ZNF407: variants seen among roughly 807,000 people sequenced by gnomAD.
ZNF407 encodes the protein zinc finger protein 407.
In ZNF407, 17 loss-of-function variants were observed where a neutral mutation model predicts 131.2. The ratio of observed to expected loss-of-function variants is 0.13; its 90% confidence interval spans 0.09 to 0.19. The LOEUF (loss-of-function observed/expected upper bound fraction) is 0.19. Ranked by LOEUF, ZNF407 falls within the 10% of genes least tolerant of loss-of-function variation. ZNF407 has a pLI of 1.00. For synonymous variants in ZNF407, 1,156 were observed against 1,062.0 expected, an observed-to-expected ratio of 1.09 and a Z score of -1.72; for missense variants, 2,681 against 2,830.6, an observed-to-expected ratio of 0.95 and a Z score of 1.20.
At chr18:74,888,838 A>G (rs1971346335) in intron 6 of ZNF407, among the ~76,000 whole-genome samples, 1 of 152,214 alleles carries the variant, frequency 6.6e-6, no homozygotes, top group Admixed American at 6.5e-5. Context: ...TCAAGATACC[A>G]GTATGCTATT....
chr18:75,028,372 T>C (rs1170993554), intron 8 of ZNF407, among the ~76,000 whole-genome samples: 1 of 152,162 alleles, frequency 6.6e-6, no homozygotes, highest in African/African-American at 2.4e-5. Flanking sequence ...TCTTGTGTCC[T>C]ATGTGTTGAT....
intron 8 of ZNF407, chr18:75,062,062 G>A (rs1973641147): frequency 6.6e-6 from 1 of 152,218 alleles, no homozygotes; most frequent in South Asian, 2.1e-4. Flanking sequence ...GCTCTGTGAT[G>A]AGCAACCTAT....
chr18:75,062,876 C>A (rs974889559), intron 8 of ZNF407: 95 of 310,140 alleles, frequency 3.1e-4, no homozygotes, highest in African/African-American at 1.9e-3. Context: ...GAGGCGCACA[C>A]CCCTGCAAAG....
chr18:75,029,180 A>T (rs560060309), intron 8 of ZNF407, among the ~76,000 whole-genome samples: 19 of 152,290 alleles, frequency 1.2e-4, no homozygotes, highest in African/African-American at 3.6e-4. Flanking sequence ...TTGTTTGTTC[A>T]TACACAGACG....
At chr18:74,774,398 T>C (rs1242306951) in intron 3 of ZNF407, among the ~76,000 whole-genome samples, 3 of 152,224 alleles carry the variant, frequency 2.0e-5, no homozygotes, top group Admixed American at 2.0e-4. Flanking sequence ...AAATATCACC[T>C]ACAGATTACT....
chr18:74,862,272 G>A (rs1361909549), intron 4 of ZNF407, among the ~76,000 whole-genome samples: 1 of 152,186 alleles, frequency 6.6e-6, no homozygotes, highest in African/African-American at 2.4e-5. Flanking sequence ...CAGAACACAC[G>A]CCAGAGCTCT....
intron 8 of ZNF407, among the ~76,000 whole-genome samples, chr18:74,934,632 C>G (rs962480717): frequency 6.6e-6 from 1 of 152,134 alleles, no homozygotes; most frequent in Admixed American, 6.5e-5. Context: ...ATGGCAAAAC[C>G]CCGTCTCTAC....
intron 4 of ZNF407, among the ~76,000 whole-genome samples, chr18:74,822,208 T>C (rs1469306232): frequency 6.6e-6 from 1 of 152,242 alleles, no homozygotes; most frequent in East Asian, 1.9e-4. Context: ...TCTCCCATTC[T>C]GTAGGTTGCG....
intron 3 of ZNF407, among the ~76,000 whole-genome samples, chr18:74,679,957 C>T (rs2144774527): frequency 6.6e-6 from 1 of 152,218 alleles, no homozygotes; most frequent in African/African-American, 2.4e-5. Flanking sequence ...CTAGATGGAC[C>T]CGTTATTATG....
intron 4 of ZNF407, among the ~76,000 whole-genome samples, chr18:74,818,052 G>A (rs571075896): frequency 6.6e-6 from 1 of 152,334 alleles, no homozygotes; most frequent in South Asian, 2.1e-4. Flanking sequence ...TCTTCAAGGT[G>A]ATAGTTTATC....
chr18:74,813,401 G>A (rs761263372), intron 4 of ZNF407, among the ~76,000 whole-genome samples: 39 of 152,212 alleles, frequency 2.6e-4, no homozygotes, highest in Non-Finnish European at 4.7e-4. Flanking sequence ...AGGTCCATTC[G>A]CTCAAACGGG....
At chr18:74,783,577 C>G (rs983049724) in intron 4 of ZNF407, among the ~76,000 whole-genome samples, 1 of 150,312 alleles carries the variant, frequency 6.7e-6, no homozygotes, top group Non-Finnish European at 1.5e-5. Context: ...TTACCCTTTT[C>G]GTTACATTCT....
At chr18:74,711,267 C>T (rs773618003) in intron 3 of ZNF407, among the ~76,000 whole-genome samples, 17 of 152,288 alleles carry the variant, frequency 1.1e-4, no homozygotes, top group East Asian at 1.9e-4. Flanking sequence ...TCCTCATCCC[C>T]GGCACCTGTG....
chr18:74,758,181 T>A (rs1969007998), intron 3 of ZNF407, among the ~76,000 whole-genome samples: 1 of 152,182 alleles, frequency 6.6e-6, no homozygotes, highest in East Asian at 1.9e-4. Context: ...TATTTTGTGT[T>A]TTTCTACATG....
At chr18:74,905,878 C>T (rs1971588982) in intron 7 of ZNF407, 2 of 152,094 alleles carry the variant, frequency 1.3e-5, no homozygotes, top group African/African-American at 4.8e-5. Context: ...CTGAAAATGT[C>T]CAAAGGATTG....
chr18:75,063,037 A>G lies in ZNF407; in HGVS notation c.5429-113A>G, dbSNP rs1973656536. On this transcript the variant is annotated intron_variant, in intron 8 of 8. Transcript: ENST00000299687. The surrounding 1 kb of genome is among the most constrained non-coding windows in gnomAD (Gnocchi z 6.6). ...TGTAGAGAGCTCTTCAGGGTTTGGA[A>G]TAGGGGGTCGTGGTGACTCTGCTGA... 19 of 986,662 alleles carry G rather than the reference A, an allele frequency of 1.9e-5. No homozygotes were observed. The highest frequency in any genetic ancestry group is 2.7e-5 in the Non-Finnish European group (18 of 664,474). The allele number at this position is 986,662 out of a possible 1,614,324, so 61.1% of individuals were successfully genotyped here. A position where few individuals can be genotyped will look rare whatever the true frequency, so the allele number is the denominator to read the frequency against.
In ZNF407 at chr18:74,964,571, A is replaced by G. The variant is rs1281239992; in HGVS notation, c.5428+43879A>G. Among the ~76,000 whole-genome samples the G allele has an allele frequency of 2.1e-5, 3 of 143,304 alleles. No individual in the cohort carries two copies. The East Asian group carries it at 6.1e-4, about 29-fold the overall frequency. 94.0% of individuals were successfully genotyped at this position (143,304 alleles called of 152,430 possible). On this transcript the variant is annotated intron_variant, in intron 8 of 8. Coordinates refer to ENST00000299687, the MANE Select transcript of ZNF407 (RefSeq NM_017757.3). ...TCTGAAATGCTTGATTCAACAACCT[A>G]TCATCCGGGTTTTTTTTTTTTTTTT... is the stretch of plus-strand genomic sequence containing the variant.
intron 8 of ZNF407, among the ~76,000 whole-genome samples, chr18:74,995,791 C>CT (rs1473873233): frequency 6.6e-6 from 1 of 152,134 alleles, no homozygotes; most frequent in African/African-American, 2.4e-5. Flanking sequence ...GGGACTTGTG[C>CT]TTGGCTCTGC....
rs1217875253 is a variant in ZNF407 at position 74,795,412 on chromosome 18, AAC to A, written c.4877+13911_4877+13912del. On this transcript the variant is annotated intron_variant, in intron 4 of 8. Transcript: ENST00000299687. ...TACATATGAATCAATATATTTGAGA[AAC>A]TTTATTCAAGCTATTACTCATCTAT... is the stretch of plus-strand genomic sequence containing the variant. Among the ~76,000 whole-genome samples the A allele has an allele frequency of 7.8e-3, 1,192 of 152,340 alleles. 9 individuals carry two copies. The highest frequency in any genetic ancestry group is 0.026 in the African/African-American group (1,087 of 41,572).
Sources: allele counts gnomAD v4.1 joint callset (sites outside exome capture counted in the v4.1 genomes callset), GRCh38; gene constraint gnomAD v4.1.1; non-coding constraint Gnocchi (gnomAD v3.1); transcripts MANE v1.5; gene names NCBI Gene and HGNC (gene_info 2026-07-23, HGNC 2026-07-21).